Variants in ABHD18 observed in about 807,000 individuals in gnomAD.
ABHD18 encodes the protein abhydrolase domain containing 18.
A neutral mutation model predicts 65.9 loss-of-function variants in ABHD18; 55 were observed. That is an observed-to-expected ratio of 0.84 (90% CI 0.67 to 1.05). The LOEUF (loss-of-function observed/expected upper bound fraction) is 1.05. Ranked by LOEUF, ABHD18 falls within the 50% of genes least tolerant of loss-of-function variation. The probability of loss-of-function intolerance (pLI) is 0.00; values close to 1 mark genes in which losing one functional copy is unlikely to be tolerated. For synonymous variants in ABHD18, 181 were observed against 180.2 expected, an observed-to-expected ratio of 1.00 and a Z score of -0.04; for missense variants, 533 against 558.5, an observed-to-expected ratio of 0.95 and a Z score of 0.46.
intron 1 of ABHD18, among the ~76,000 whole-genome samples, chr4:127,979,520 A>T (rs1051682857): frequency 1.3e-5 from 2 of 152,184 alleles, no homozygotes; most frequent in Admixed American, 1.3e-4. Context: ...GCGCCACTGC[A>T]CTCTAGCGTG....
chr4:127,966,199 T>C (rs1437574935), intron 1 of ABHD18: 2 of 152,216 alleles, frequency 1.3e-5, no homozygotes, highest in African/African-American at 4.8e-5. Context: ...ACTATTAGGC[T>C]TGTAGGCTAG....
Position 128,012,122 on chromosome 4 carries a change from A to G in ABHD18, c.470+422A>G, listed in dbSNP as rs559933735. On this transcript the variant is annotated intron_variant, in intron 7 of 12. Coordinates refer to ENST00000645843, the MANE Select transcript of ABHD18 (RefSeq NM_001358451.3). ...CTCCCAAGTAGCTGGAATTACAGGC[A>G]TGCACCACCACACCTGGCTAATTTT... 2.6e-5 allele frequency among the ~76,000 whole-genome samples: 4 copies of G among 152,078 alleles called. No homozygotes were observed. In the East Asian group the frequency reaches 5.8e-4, roughly 22 times the overall value.
intron 7 of ABHD18, among the ~76,000 whole-genome samples, chr4:128,015,846 A>G (rs776033875): frequency 3.9e-5 from 6 of 152,032 alleles, no homozygotes; most frequent in Non-Finnish European, 7.4e-5. Context: ...TACAAGTTAC[A>G]TTTTGAAAAG....
At chr4:128,022,874 A>G (rs977393377) in intron 10 of ABHD18, among the ~76,000 whole-genome samples, 1 of 151,350 alleles carries the variant, frequency 6.6e-6, no homozygotes, top group African/African-American at 2.4e-5. Context: ...AGATTCAAGC[A>G]ATTCTCCTGC....
At chr4:128,021,797 C>T (rs1208196596) in intron 10 of ABHD18, among the ~76,000 whole-genome samples, 1 of 150,794 alleles carries the variant, frequency 6.6e-6, no homozygotes, top group African/African-American at 2.5e-5. Flanking sequence ...GACCACCCAA[C>T]CCAGAAACCC....
At position 127,965,426 on chromosome 4, in the gene ABHD18, T is replaced by A; in HGVS notation, c.-198T>A. 2 of 552,202 alleles carry A rather than the reference T, an allele frequency of 3.6e-6. No homozygotes were observed. Among genetic ancestry groups the A allele is most frequent in the Non-Finnish European group, 6.5e-6 (2 of 305,458 alleles). 34.2% of individuals were successfully genotyped at this position (552,202 alleles called of 1,614,324 possible). Reference sequence around the variant, plus strand: ...TGTCCAAACTGCCGCGCCGCCCTGCTCCGGGTTTGTCTTCCTCCCTCCGTT... The same window carrying A: ...TGTCCAAACTGCCGCGCCGCCCTGCACCGGGTTTGTCTTCCTCCCTCCGTT... On this transcript the variant is annotated 5_prime_UTR_variant, in exon 1 of 13. Transcript: ENST00000645843.
At chr4:128,011,727 C>T in intron 7 of ABHD18, 27 bp downstream of exon 7, 3 of 1,513,476 alleles carry the variant, frequency 2.0e-6, no homozygotes, top group South Asian at 1.3e-5. Flanking sequence ...TTCATTTTTG[C>T]AGTCTTTTTA....
At chr4:128,013,697 CAA>C (rs779571090) in intron 7 of ABHD18, among the ~76,000 whole-genome samples, 9 of 112,100 alleles carry the variant, frequency 8.0e-5, no homozygotes, top group Non-Finnish European at 9.5e-5. Flanking sequence ...GACTCCGTCT[CAA>C]AAAAAAAAAA....
intron 7 of ABHD18, among the ~76,000 whole-genome samples, chr4:128,015,930 CA>C (rs1231869700): frequency 6.8e-6 from 1 of 147,752 alleles, no homozygotes; most frequent in Non-Finnish European, 1.5e-5. Flanking sequence ...TTCTAGGACC[CA>C]AAAAGATATA....
chr4:127,983,017 G>C lies in ABHD18; in HGVS notation c.62G>C (p.Arg21Thr). 6.4e-7 allele frequency: 1 copy of C among 1,560,608 alleles called. No individual in the cohort carries two copies. Among genetic ancestry groups the C allele is most frequent in the East Asian group, 2.4e-5 (1 of 42,212 alleles). The stretch of plus-strand genomic sequence containing the variant: ...CTTCTCCTAACAAAACTTTTTATCA[G>C]AGGATGGGGAAGGCCAGAAGATCTC... Reference protein sequence around the residue: ...RRLLLTKLFIRGWGRPEDLKR... With the variant: ...RRLLLTKLFITGWGRPEDLKR... The change falls in exon 2 of 13, where the codon AGA becomes ACA. Residue 21 changes from arginine (R) to threonine (T), a missense_variant. Physicochemically the swap from Arg to Thr is moderately conservative, Grantham distance 71. Transcript: ENST00000645843.
chr4:128,013,158 T>C (rs1380676508), intron 7 of ABHD18, among the ~76,000 whole-genome samples: 1 of 151,378 alleles, frequency 6.6e-6, no homozygotes, highest in Non-Finnish European at 1.5e-5. Flanking sequence ...GGGAAGTGTC[T>C]AGAGGACTTT....
intron 12 of ABHD18, among the ~76,000 whole-genome samples, chr4:128,033,524 C>CTTTTTTTTTTTTTTTTTTTTTT (rs869099600): frequency 3.7e-4 from 40 of 108,624 alleles, no homozygotes; most frequent in East Asian, 1.3e-3. Flanking sequence ...CAAAGATAGT[C>CTTTTTTTTTTTTTTTTTTTTTT]TTTTTTTTTT....
rs1758122887 is a variant in ABHD18 at position 128,030,968 on chromosome 4, G to A, written c.1343+296G>A. On this transcript the variant is annotated intron_variant, in intron 12 of 12. Coordinates refer to ENST00000645843, the MANE Select transcript of ABHD18 (RefSeq NM_001358451.3). ...TTAGGATGTGAGAAGGAAGATCATG[G>A]CTTGTTAAAGTTGCTTTGGTGCATC... The A allele has an allele frequency of 1.9e-6, 2 of 1,075,096 alleles. 1 individual carries two copies. Among genetic ancestry groups the A allele is most frequent in the Admixed American group, 1.1e-4 (2 of 18,586 alleles). The allele number at this position is 1,075,096 out of a possible 1,614,324, so 66.6% of individuals were successfully genotyped here.
intron 12 of ABHD18, among the ~76,000 whole-genome samples, chr4:128,035,435 A>G (rs1758779359): frequency 6.6e-6 from 1 of 152,044 alleles, no homozygotes; most frequent in Non-Finnish European, 1.5e-5. Context: ...TAGCAGGGTG[A>G]GGTGGTGCAT....
In ABHD18 at chr4:128,038,350, A is replaced by G. The variant is rs934573751; in HGVS notation, c.*2537A>G. 1.3e-5 allele frequency: 2 copies of G among 152,192 alleles called. No individual in the cohort carries two copies. Among genetic ancestry groups the G allele is most frequent in the Admixed American group, 6.6e-5 (1 of 15,258 alleles). The allele number at this position is 152,192 out of a possible 1,614,324, so 9.4% of individuals were successfully genotyped here. ...GTCAACTGAATTACGATTTTCTTATATTATGTATATAGTGAGGTTATATGA... is the reference window on the plus strand; with the variant it reads ...GTCAACTGAATTACGATTTTCTTATGTTATGTATATAGTGAGGTTATATGA... On this transcript the variant is annotated 3_prime_UTR_variant, in exon 13 of 13. Coordinates refer to ENST00000645843, the MANE Select transcript of ABHD18 (RefSeq NM_001358451.3).
At chr4:127,992,020 C>T (rs1751006876) in intron 4 of ABHD18, among the ~76,000 whole-genome samples, 1 of 152,074 alleles carries the variant, frequency 6.6e-6, no homozygotes, top group African/African-American at 2.4e-5. Context: ...CAAGCAATGT[C>T]ATGTAGTGGA....
At chr4:127,970,059 T>G (rs1358120867) in intron 1 of ABHD18, among the ~76,000 whole-genome samples, 1 of 152,054 alleles carries the variant, frequency 6.6e-6, no homozygotes, top group Non-Finnish European at 1.5e-5. Flanking sequence ...AGGATTTTTT[T>G]TTTTTAAGAG....
At chr4:128,000,329 A>G (rs1367186880) in intron 4 of ABHD18, among the ~76,000 whole-genome samples, 1 of 152,148 alleles carries the variant, frequency 6.6e-6, no homozygotes, top group African/African-American at 2.4e-5. Context: ...TCCAATTTCA[A>G]TCTTCTGCAT....
chr4:128,006,499 A>G (rs1187414532), intron 4 of ABHD18, among the ~76,000 whole-genome samples: 1 of 152,276 alleles, frequency 6.6e-6, no homozygotes, highest in East Asian at 1.9e-4. Context: ...TCTTTGTTCT[A>G]TTCAGCAATT....
Sources: allele counts gnomAD v4.1 joint callset (sites outside exome capture counted in the v4.1 genomes callset), GRCh38; gene constraint gnomAD v4.1.1; transcripts MANE v1.5; gene names NCBI Gene and HGNC (gene_info 2026-07-23, HGNC 2026-07-21).